Variants in TMEM132B observed in about 807,000 individuals in gnomAD.
TMEM132B encodes the protein transmembrane protein 132B.
In TMEM132B, 18 loss-of-function variants were observed where a neutral mutation model predicts 90.8. The ratio of observed to expected loss-of-function variants is 0.20; its 90% CI spans 0.14 to 0.29. The LOEUF is 0.29. TMEM132B is among the 10% of genes least tolerant of loss of function. TMEM132B has a pLI of 1.00. For missense variants in TMEM132B, 1,096 were observed against 1,326.8 expected (o/e 0.83, Z 2.70); for synonymous variants, 504 against 523.3 (o/e 0.96, Z 0.50).
intron 1 of TMEM132B, among the ~76,000 whole-genome samples, chr12:125,195,678 C>T (rs117702875): frequency 1.6e-4 from 24 of 152,230 alleles, no homozygotes; most frequent in Admixed American, 7.2e-4. Flanking sequence ...GTATTACAGA[C>T]GTGAGCCACC....
At position 125,277,530 on chromosome 12, in the gene TMEM132B, TACAC is replaced by T. The variant is rs1172207645; in HGVS notation, c.68-71913_68-71910del. On this transcript the variant is annotated intron_variant, in intron 1 of 8. Transcript: ENST00000682704. This position sits in a 1 kb window ranked among gnomAD's most constrained non-coding sequence, Gnocchi z 4.3. ...ACACACACACACACACACACACACA[TACAC>T]ACACACACGGGAAGGCCATGTGAAG... Among the ~76,000 whole-genome samples, 2 of 89,314 alleles carry T rather than the reference TACAC, an allele frequency of 2.2e-5. No individual in the cohort carries two copies. Among genetic ancestry groups the T allele is most frequent in the Non-Finnish European group, 4.4e-5 (2 of 45,236 alleles). The allele number at this position is 89,314 out of a possible 152,430, so 58.6% of individuals were successfully genotyped here. A position where few individuals can be genotyped will look rare whatever the true frequency, so the allele number is the denominator to read the frequency against.
chr12:125,369,895 A>G (rs953738691), intron 2 of TMEM132B, among the ~76,000 whole-genome samples: 1 of 152,120 alleles, frequency 6.6e-6, no homozygotes, highest in African/African-American at 2.4e-5. Flanking sequence ...CTAAAAATAC[A>G]AAAATCAGCC....
intron 3 of TMEM132B, among the ~76,000 whole-genome samples, chr12:125,484,744 C>A (rs1225103338): frequency 2.6e-5 from 4 of 152,076 alleles, no homozygotes; most frequent in Admixed American, 2.6e-4. Flanking sequence ...AATCTTCCCC[C>A]CTCAGCCTCC....
At chr12:125,392,256 TG>T (rs1879046322) in intron 2 of TMEM132B, among the ~76,000 whole-genome samples, 1 of 152,246 alleles carries the variant, frequency 6.6e-6, no homozygotes, top group Non-Finnish European at 1.5e-5. Context: ...CCATCTTACC[TG>T]AAGGCTGGAA....
At chr12:125,446,419 G>C (rs1403322202) in intron 3 of TMEM132B, among the ~76,000 whole-genome samples, 1 of 152,126 alleles carries the variant, frequency 6.6e-6, no homozygotes, top group East Asian at 1.9e-4. Context: ...AGAATATCTA[G>C]TTAGAAGACC....
intron 4 of TMEM132B, among the ~76,000 whole-genome samples, chr12:125,551,049 G>T (rs1884216639): frequency 6.6e-6 from 1 of 152,250 alleles, no homozygotes; most frequent in Non-Finnish European, 1.5e-5. Context: ...CTGACCTCAG[G>T]TGATCCGCCC....
chr12:125,494,539 G>C (rs1314496682), intron 3 of TMEM132B, among the ~76,000 whole-genome samples: 1 of 106,908 alleles, frequency 9.4e-6, no homozygotes, highest in African/African-American at 3.8e-5. Context: ...GGAAATGGCT[G>C]TGTCCCTCCT....
chr12:125,515,819 C>CAT (rs58467285), intron 3 of TMEM132B, among the ~76,000 whole-genome samples: 63,140 of 151,446 alleles, frequency 0.42, 15,172 homozygotes, highest in East Asian at 0.85. Context: ...TCTATCAACA[C>CAT]ATTCACACAT....
chr12:125,386,107 C>T (rs1036492871), intron 2 of TMEM132B, among the ~76,000 whole-genome samples: 1 of 152,182 alleles, frequency 6.6e-6, no homozygotes, highest in Non-Finnish European at 1.5e-5. Flanking sequence ...ATTCTCCCAG[C>T]CTCCCAAGTA....
intron 1 of TMEM132B, among the ~76,000 whole-genome samples, chr12:125,331,516 G>A (rs1593088273): frequency 6.6e-6 from 1 of 152,280 alleles, no homozygotes; most frequent in Non-Finnish European, 1.5e-5. Context: ...TACTCCGGGT[G>A]AAATCTGGAA....
chr12:125,402,983 C>A (rs1309289400), intron 2 of TMEM132B, among the ~76,000 whole-genome samples: 1 of 152,112 alleles, frequency 6.6e-6, no homozygotes, highest in Non-Finnish European at 1.5e-5. Context: ...AGCTCAAAAG[C>A]CTGCTGGCAC....
intron 1 of TMEM132B, among the ~76,000 whole-genome samples, chr12:125,265,133 G>A (rs1314055924): frequency 6.6e-6 from 1 of 152,198 alleles, no homozygotes; most frequent in African/African-American, 2.4e-5. Context: ...AACATGTATA[G>A]TAAAAATATA....
chr12:125,424,965 G>A (rs112723867), intron 3 of TMEM132B, among the ~76,000 whole-genome samples: 2 of 152,134 alleles, frequency 1.3e-5, no homozygotes, highest in African/African-American at 2.4e-5. Flanking sequence ...CACATATCAG[G>A]GGTGGGAGAT....
In TMEM132B at chr12:125,540,999, C is replaced by T. The variant is rs373771194; in HGVS notation, c.1293+21374C>T. On this transcript the variant is annotated intron_variant, in intron 4 of 8. Coordinates refer to ENST00000682704, the MANE Select transcript of TMEM132B (RefSeq NM_001366854.1). ...GCCATACATGGTCTTGCTTTAGGGCCTTTGTACTTCCTGTTCCCTCTGCCT... is the reference window on the plus strand; with the variant it reads ...GCCATACATGGTCTTGCTTTAGGGCTTTTGTACTTCCTGTTCCCTCTGCCT... 7.2e-5 allele frequency among the ~76,000 whole-genome samples: 11 copies of T among 152,332 alleles called. No individual in the cohort carries two copies. In the East Asian group the frequency reaches 7.7e-4, roughly 11 times the overall value.
intron 3 of TMEM132B, among the ~76,000 whole-genome samples, chr12:125,417,708 A>G (rs1449550474): frequency 2.0e-5 from 3 of 152,096 alleles, no homozygotes; most frequent in African/African-American, 7.2e-5. Flanking sequence ...TTTTTCTCAG[A>G]CAGGCCCTTC....
intron 4 of TMEM132B, among the ~76,000 whole-genome samples, chr12:125,579,847 A>G (rs1885013241): frequency 2.0e-5 from 3 of 152,010 alleles, no homozygotes; most frequent in Non-Finnish European, 2.9e-5. Context: ...TGCATGTCTC[A>G]TAAGTTTTTT....
intron 3 of TMEM132B, among the ~76,000 whole-genome samples, chr12:125,515,821 T>TA (rs397788508): frequency 6.9e-6 from 1 of 145,632 alleles, no homozygotes; most frequent in Non-Finnish European, 1.5e-5. Context: ...TATCAACACA[T>TA]TCACACATTC....
intron 1 of TMEM132B, among the ~76,000 whole-genome samples, chr12:125,267,859 C>T (rs745541327): frequency 2.0e-4 from 30 of 152,116 alleles, no homozygotes; most frequent in African/African-American, 4.8e-4. Flanking sequence ...AATCTTGGTT[C>T]GGTGTAAGAA....
Position 125,445,090 on chromosome 12 carries a change from A to T in TMEM132B, c.1106+29413A>T, listed in dbSNP as rs1219123433. On this transcript the variant is annotated intron_variant, in intron 3 of 8. Coordinates refer to ENST00000682704, the MANE Select transcript of TMEM132B (RefSeq NM_001366854.1). This position sits in a 1 kb window ranked among gnomAD's most constrained non-coding sequence, Gnocchi z 4.3. Reference sequence around the variant, plus strand: ...CTCAGAGTATGGGTCTAAGGACATTAACATTTTTGCTTATTTGATAAGTGT... The same window carrying T: ...CTCAGAGTATGGGTCTAAGGACATTTACATTTTTGCTTATTTGATAAGTGT... Among the ~76,000 whole-genome samples the T allele has an allele frequency of 2.6e-5, 4 of 152,220 alleles. No individual in the cohort carries two copies. The highest frequency in any genetic ancestry group is 9.6e-5 in the African/African-American group (4 of 41,456).
Sources: allele counts gnomAD v4.1 joint callset (sites outside exome capture counted in the v4.1 genomes callset), GRCh38; gene constraint gnomAD v4.1.1; non-coding constraint Gnocchi (gnomAD v3.1); transcripts MANE v1.5; gene names NCBI Gene and HGNC (gene_info 2026-07-23, HGNC 2026-07-21).